TMEM132D: variants seen among roughly 807,000 people sequenced by gnomAD.
TMEM132D encodes transmembrane protein 132D, also known as mature OL transmembrane protein.
In TMEM132D, 21 loss-of-function variants were observed where a neutral mutation model predicts 62.3. The ratio of observed to expected loss-of-function variants is 0.34; its 90% CI spans 0.24 to 0.49. The LOEUF is 0.49. Ranked by LOEUF, TMEM132D falls within the 20% of genes least tolerant of loss-of-function variation. The probability of loss-of-function intolerance (pLI) is 0.99; values close to 1 mark genes in which losing one functional copy is unlikely to be tolerated. For missense variants in TMEM132D, 1,346 were observed against 1,402.8 expected (o/e 0.96, Z 0.65); for synonymous variants, 621 against 575.6 (o/e 1.08, Z -1.13).
At chr12:129,095,940 A>G (rs976696987) in intron 5 of TMEM132D, among the ~76,000 whole-genome samples, 1 of 152,106 alleles carries the variant, frequency 6.6e-6, no homozygotes, top group East Asian at 1.9e-4. Flanking sequence ...TTCAGTCCCT[A>G]GAGCCTGCTT....
intron 5 of TMEM132D, chr12:129,110,486 T>C (rs1030408646): frequency 6.6e-6 from 1 of 152,216 alleles, no homozygotes; most frequent in African/African-American, 2.4e-5. Flanking sequence ...ATATAACATA[T>C]ATACCAATGA....
intron 5 of TMEM132D, among the ~76,000 whole-genome samples, chr12:129,094,252 G>A (rs1256440603): frequency 6.6e-6 from 1 of 152,194 alleles, no homozygotes; most frequent in African/African-American, 2.4e-5. Context: ...GCAACCTACA[G>A]AATGGGAGAA....
At chr12:129,210,971 T>A (rs917498946) in intron 4 of TMEM132D, 2 of 152,204 alleles carry the variant, frequency 1.3e-5, no homozygotes, top group African/African-American at 4.8e-5. Context: ...AGAATTCTTG[T>A]GATTTTTTAA....
At position 129,296,028 on chromosome 12, in the gene TMEM132D, A is replaced by G. The variant is rs189120921; in HGVS notation, c.1299+41606T>C. On this transcript the variant is annotated intron_variant, in intron 4 of 8. Transcript: ENST00000422113. ...CACACACATACACTCACATACATAT[A>G]TATGAACATGCACACACATATATAC... Among the ~76,000 whole-genome samples, 5 of 152,186 alleles carry G rather than the reference A, an allele frequency of 3.3e-5. No homozygotes were observed. In the East Asian group the frequency reaches 9.7e-4, roughly 29 times the overall value.
chr12:129,794,069 T>A (rs1346367017), intron 1 of TMEM132D, among the ~76,000 whole-genome samples: 1 of 144,558 alleles, frequency 6.9e-6, no homozygotes, highest in Non-Finnish European at 1.5e-5. Context: ...TTTTTTTAAG[T>A]GTATGGGTTT....
At chr12:129,390,012 G>A (rs569577281) in intron 3 of TMEM132D, among the ~76,000 whole-genome samples, 13 of 152,242 alleles carry the variant, frequency 8.5e-5, no homozygotes, top group Non-Finnish European at 1.3e-4. Flanking sequence ...CGTTCCTGTC[G>A]GCGCACACTG....
chr12:129,591,420 T>C (rs1425365275), intron 2 of TMEM132D, among the ~76,000 whole-genome samples: 2 of 152,166 alleles, frequency 1.3e-5, no homozygotes, highest in Admixed American at 1.3e-4. Flanking sequence ...AGAATGAAAA[T>C]CCATGCTGCA....
intron 1 of TMEM132D, among the ~76,000 whole-genome samples, chr12:129,748,979 C>A (rs1869909630): frequency 1.3e-5 from 2 of 152,246 alleles, no homozygotes; most frequent in South Asian, 2.1e-4. Context: ...GCTAAAGAAA[C>A]AACTGATGAG....
At chr12:129,882,633 G>T (rs1017198423) in intron 1 of TMEM132D, among the ~76,000 whole-genome samples, 6 of 152,160 alleles carry the variant, frequency 3.9e-5, no homozygotes, top group African/African-American at 1.4e-4. Flanking sequence ...TCATAAACAT[G>T]TGAGATGATA....
chr12:129,266,382 T>C (rs908828330), intron 4 of TMEM132D, among the ~76,000 whole-genome samples: 1 of 150,650 alleles, frequency 6.6e-6, no homozygotes, highest in African/African-American at 2.4e-5. Flanking sequence ...TTCCCTCCTC[T>C]CCCCTTCCTT....
chr12:129,095,346 G>GTTTTTTTTTTTT (rs34044401), intron 5 of TMEM132D, among the ~76,000 whole-genome samples: 1 of 105,354 alleles, frequency 9.5e-6, no homozygotes, highest in Non-Finnish European at 1.8e-5. Flanking sequence ...ATGCCTGCTG[G>GTTTTTTTTTTTT]TTTTTTTTTT....
chr12:129,593,383 C>A (rs138758795), intron 2 of TMEM132D, among the ~76,000 whole-genome samples: 1 of 152,288 alleles, frequency 6.6e-6, no homozygotes, highest in Non-Finnish European at 1.5e-5. Context: ...TATACAAATT[C>A]TATTACAAGC....
chr12:129,831,457 G>A (rs938880214), intron 1 of TMEM132D, among the ~76,000 whole-genome samples: 3 of 152,214 alleles, frequency 2.0e-5, no homozygotes, highest in Non-Finnish European at 4.4e-5. Context: ...GGTTTGAGAG[G>A]CGCTCTGAGG....
At chr12:129,229,209 A>G (rs1022177766) in intron 4 of TMEM132D, among the ~76,000 whole-genome samples, 1 of 152,242 alleles carries the variant, frequency 6.6e-6, no homozygotes, top group Non-Finnish European at 1.5e-5. Flanking sequence ...ACTTTTTAAA[A>G]TAACAAGCTA....
chr12:129,094,382 G>T (rs1302392692), intron 5 of TMEM132D, among the ~76,000 whole-genome samples: 1 of 152,200 alleles, frequency 6.6e-6, no homozygotes, highest in Non-Finnish European at 1.5e-5. Context: ...GATATGAACA[G>T]ACACTTCTCA....
intron 1 of TMEM132D, among the ~76,000 whole-genome samples, chr12:129,815,163 C>A (rs1474724977): frequency 2.0e-5 from 3 of 152,088 alleles, no homozygotes; most frequent in East Asian, 1.9e-4. Flanking sequence ...AGCCTACGGG[C>A]ATTTGTTAAG....
intron 3 of TMEM132D, among the ~76,000 whole-genome samples, chr12:129,339,275 A>T (rs1869389292): frequency 6.7e-6 from 1 of 149,142 alleles, no homozygotes; most frequent in African/African-American, 2.5e-5. Context: ...TCAAAAAAAA[A>T]AAAGGGAAAA....
chr12:129,676,542 G>GAC (rs1880636231), intron 2 of TMEM132D, among the ~76,000 whole-genome samples: 1 of 152,192 alleles, frequency 6.6e-6, no homozygotes, highest in Non-Finnish European at 1.5e-5. Context: ...AGAGGAGGGG[G>GAC]AAGGGAGCCA....
At chr12:129,861,219 T>A (rs1248137782) in intron 1 of TMEM132D, among the ~76,000 whole-genome samples, 1 of 152,240 alleles carries the variant, frequency 6.6e-6, no homozygotes, top group Non-Finnish European at 1.5e-5. Flanking sequence ...TAGAAATAGA[T>A]AACTTTGAGA....
Sources: gnomAD v4.1 joint callset for allele counts (sites outside exome capture counted in the v4.1 genomes callset) on GRCh38, gnomAD v4.1.1 for gene constraint, MANE v1.5 for transcripts, NCBI Gene and HGNC (gene_info 2026-07-23, HGNC 2026-07-21) for gene names.